Variants in RANBP17 observed in about 807,000 individuals in gnomAD.
RANBP17 encodes RAN binding protein 17.
A neutral mutation model predicts 141.2 loss-of-function variants in RANBP17; 158 were observed. The observed-to-expected ratio is 1.12, with a 90% CI of 0.98 to 1.28. The LOEUF (loss-of-function observed/expected upper bound fraction) is 1.28. Among genes scored for constraint, RANBP17 ranks in the 50% most tolerant of loss-of-function variants. RANBP17 has a pLI of 0.00. For synonymous variants in RANBP17, 430 were observed against 450.0 expected (o/e 0.96, Z 0.56); for missense variants, 1,438 against 1,290.7 (o/e 1.11, Z -1.75).
At position 171,192,419 on chromosome 5, in the gene RANBP17, G is replaced by A. The variant is rs116421984; in HGVS notation, c.2039-7251G>A. On this transcript the variant is annotated intron_variant, in intron 18 of 27. Coordinates refer to ENST00000523189, the MANE Select transcript of RANBP17 (RefSeq NM_022897.5). ...CACCCCAGGGAATGAGATGTTTCAT[G>A]GATGAGACTTTTAGGGTGGGATTCT... Among the ~76,000 whole-genome samples, 158 of 152,274 alleles carry A rather than the reference G, an allele frequency of 1.0e-3. 2 individuals are homozygous for A. Among genetic ancestry groups the A allele is most frequent in the African/African-American group, 3.6e-3 (148 of 41,542 alleles).
intron 1 of RANBP17, among the ~76,000 whole-genome samples, chr5:170,873,468 G>C (rs544968848): frequency 6.6e-6 from 1 of 152,268 alleles, no homozygotes; most frequent in South Asian, 2.1e-4. Flanking sequence ...CTGTGAATCT[G>C]TCTGATCTTG....
At chr5:171,030,538 G>T (rs1323374622) in intron 14 of RANBP17, among the ~76,000 whole-genome samples, 3 of 151,874 alleles carry the variant, frequency 2.0e-5, no homozygotes, top group African/African-American at 7.2e-5. Flanking sequence ...TCAGATTCTA[G>T]TAGAAAATTA....
chr5:171,277,938 C>CTTTTTT lies in RANBP17; in HGVS notation c.2943+12117_2943+12122dup, dbSNP rs140208253. Among the ~76,000 whole-genome samples the CTTTTTT allele has an allele frequency of 5.9e-3, 426 of 72,272 alleles. 25 individuals carry two copies. Among genetic ancestry groups the CTTTTTT allele is most frequent in the East Asian group, 7.7e-3 (14 of 1,828 alleles). 47.4% of individuals were successfully genotyped at this position (72,272 alleles called of 152,430 possible). On this transcript the variant is annotated intron_variant, in intron 25 of 27. Coordinates refer to ENST00000523189, the MANE Select transcript of RANBP17 (RefSeq NM_022897.5). ...CAGTCCTTGAGCCTAGGACTTCTTT[C>CTTTTTT]TTTTTTTTTTTTTTTTTTTTTTTTT...
At chr5:171,270,436 T>G (rs906309653) in intron 25 of RANBP17, among the ~76,000 whole-genome samples, 1 of 152,140 alleles carries the variant, frequency 6.6e-6, no homozygotes, top group African/African-American at 2.4e-5. Flanking sequence ...CATTTTTATG[T>G]TATTAGAAGG....
intron 24 of RANBP17, chr5:171,251,854 A>T: frequency 7.3e-7 from 1 of 1,374,886 alleles, no homozygotes; most frequent in Non-Finnish European, 1.0e-6. Flanking sequence ...TTCCATCTGT[A>T]CCATGAGTGC....
chr5:171,102,262 C>G (rs577601784), intron 14 of RANBP17, among the ~76,000 whole-genome samples: 1 of 152,114 alleles, frequency 6.6e-6, no homozygotes, highest in Non-Finnish European at 1.5e-5. Flanking sequence ...TTCACATAGT[C>G]CCATATTTCT....
chr5:171,141,321 G>T (rs1757674063), intron 14 of RANBP17, among the ~76,000 whole-genome samples: 1 of 151,814 alleles, frequency 6.6e-6, no homozygotes, highest in Non-Finnish European at 1.5e-5. Context: ...GATAGGCTGG[G>T]CGCAGTGCCT....
intron 14 of RANBP17, among the ~76,000 whole-genome samples, chr5:171,131,065 T>C (rs949147705): frequency 1.3e-5 from 2 of 152,196 alleles, no homozygotes; most frequent in Non-Finnish European, 1.5e-5. Flanking sequence ...GGTTCACATA[T>C]GGTTCTGTCA....
In RANBP17 at chr5:171,244,788, C is replaced by T. The variant is rs907174105; in HGVS notation, c.2776+1968C>T. ...TGAATTTTTAAATATTTTCCATTTT[C>T]CCCTCATCAGGTTTATGTTTTTTTA... On this transcript the variant is annotated intron_variant, in intron 24 of 27. Transcript: ENST00000523189. Among the ~76,000 whole-genome samples the T allele has an allele frequency of 2.0e-5, 3 of 151,908 alleles. No individual in the cohort carries two copies. In the South Asian group the frequency reaches 6.3e-4, roughly 32 times the overall value.
chr5:171,142,003 T>A lies in RANBP17; in HGVS notation c.1711-28127T>A, dbSNP rs1018103247. ...CATGCCTTCAAAGTAAAATCAAGAC[T>A]AAGAAATTCAAACTTATTGGTGAAA... On this transcript the variant is annotated intron_variant, in intron 14 of 27. Coordinates refer to ENST00000523189, the MANE Select transcript of RANBP17 (RefSeq NM_022897.5). Among the ~76,000 whole-genome samples, 5 of 152,316 alleles carry A rather than the reference T, an allele frequency of 3.3e-5. No homozygotes were observed. In the East Asian group the frequency reaches 9.6e-4, roughly 29 times the overall value.
chr5:171,159,416 T>G (rs1759158637), intron 14 of RANBP17, among the ~76,000 whole-genome samples: 2 of 152,314 alleles, frequency 1.3e-5, no homozygotes, highest in African/African-American at 4.8e-5. Context: ...AGCTAGATCC[T>G]TGATATTTTA....
intron 14 of RANBP17, among the ~76,000 whole-genome samples, chr5:170,993,786 C>T (rs532905048): frequency 6.6e-6 from 1 of 152,002 alleles, no homozygotes; most frequent in African/African-American, 2.4e-5. Context: ...ATGTTAGAGC[C>T]CTGAAGAGGC....
At chr5:171,002,758 C>T (rs879607045) in intron 14 of RANBP17, among the ~76,000 whole-genome samples, 5 of 152,004 alleles carry the variant, frequency 3.3e-5, no homozygotes, top group Non-Finnish European at 5.9e-5. Flanking sequence ...CCTGGTAGAA[C>T]TATCATCAGT....
At position 171,241,106 on chromosome 5, in the gene RANBP17, C is replaced by CA; in HGVS notation, c.2605dup (p.Met869AsnfsTer9). 6.2e-7 allele frequency: 1 copy of CA among 1,613,590 alleles called. No homozygotes were observed. The highest frequency in any genetic ancestry group is 2.2e-5 in the East Asian group (1 of 44,866). On this transcript the variant is annotated frameshift_variant, in exon 23 of 28. Coordinates refer to ENST00000523189, the MANE Select transcript of RANBP17 (RefSeq NM_022897.5). LOFTEE classifies it high-confidence loss of function. Reference sequence around the variant, plus strand: ...TTGACAATGTACTCCAGGCTTTTGTCAAAATGCTGCTGTCAGTGTCCCACA... The same window carrying CA: ...TTGACAATGTACTCCAGGCTTTTGTCAAAAATGCTGCTGTCAGTGTCCCACA...
intron 14 of RANBP17, among the ~76,000 whole-genome samples, chr5:171,087,963 T>C (rs1458820506): frequency 2.6e-5 from 4 of 151,370 alleles, no homozygotes; most frequent in Non-Finnish European, 5.9e-5. Flanking sequence ...AGTCCATTTA[T>C]ATTTAAAGTT....
intron 14 of RANBP17, among the ~76,000 whole-genome samples, chr5:171,011,822 A>G (rs1430584683): frequency 6.6e-6 from 1 of 151,952 alleles, no homozygotes; most frequent in Non-Finnish European, 1.5e-5. Flanking sequence ...CGTTTGTCCC[A>G]GTAATGTCCT....
chr5:171,225,986 A>G (rs1763857634), intron 22 of RANBP17, among the ~76,000 whole-genome samples: 1 of 152,206 alleles, frequency 6.6e-6, no homozygotes, highest in Non-Finnish European at 1.5e-5. Flanking sequence ...TGTACAGCCC[A>G]GGTAACATTT....
At chr5:171,001,413 G>A (rs1361410935) in intron 14 of RANBP17, among the ~76,000 whole-genome samples, 1 of 152,108 alleles carries the variant, frequency 6.6e-6, no homozygotes, top group African/African-American at 2.4e-5. Context: ...GAGCGTCCAA[G>A]GGGGTTCAAT....
intron 25 of RANBP17, among the ~76,000 whole-genome samples, chr5:171,288,465 G>T (rs904053138): frequency 6.6e-6 from 1 of 152,204 alleles, no homozygotes; most frequent in African/African-American, 2.4e-5. Context: ...TATGCTGGTG[G>T]TCTTGGTCCT....
Sources: gnomAD v4.1 joint callset for allele counts (sites outside exome capture counted in the v4.1 genomes callset) on GRCh38, gnomAD v4.1.1 for gene constraint, MANE v1.5 for transcripts, NCBI Gene and HGNC (gene_info 2026-07-23, HGNC 2026-07-21) for gene names.